The following NAV2 variants were observed in gnomAD, a reference collection of about 807,000 sequenced individuals.
The protein encoded by NAV2 is helicase, APC down-regulated 1.
A neutral mutation model predicts 223.2 loss-of-function variants in NAV2; 54 were observed. The observed-to-expected ratio is 0.24, with a 90% CI of 0.19 to 0.30. The LOEUF (loss-of-function observed/expected upper bound fraction) is 0.30. Ranked by LOEUF, NAV2 falls within the 10% of genes least tolerant of loss-of-function variation. The pLI is 1.00. For missense variants in NAV2, 2,806 were observed against 3,147.5 expected (o/e 0.89, Z 2.60); for synonymous variants, 1,279 against 1,239.3 (o/e 1.03, Z -0.67).
intron 1 of NAV2, among the ~76,000 whole-genome samples, chr11:19,370,291 C>A (rs540072569): frequency 1.2e-4 from 19 of 152,222 alleles, no homozygotes; most frequent in Middle Eastern, 3.2e-3. Flanking sequence ...ATGGTTAAGT[C>A]TTTCTTGCTG....
At chr11:20,068,685 T>C (rs916282488) in intron 22 of NAV2, among the ~76,000 whole-genome samples, 8 of 152,206 alleles carry the variant, frequency 5.3e-5, no homozygotes, top group Admixed American at 2.0e-4. Flanking sequence ...GCGAAGTGCT[T>C]ATTAAAATCT....
chr11:20,091,637 C>A (rs1426880974), intron 27 of NAV2, among the ~76,000 whole-genome samples: 1 of 152,112 alleles, frequency 6.6e-6, no homozygotes, highest in Non-Finnish European at 1.5e-5. Context: ...GACATAGCAC[C>A]AATGCCTTGC....
chr11:19,495,293 A>G (rs1160716726), intron 1 of NAV2, among the ~76,000 whole-genome samples: 1 of 152,162 alleles, frequency 6.6e-6, no homozygotes, highest in African/African-American at 2.4e-5. Flanking sequence ...GACATCCAGA[A>G]ATGAAGTAGT....
intron 1 of NAV2, among the ~76,000 whole-genome samples, chr11:19,377,791 C>T (rs1183838138): frequency 6.6e-6 from 1 of 152,152 alleles, no homozygotes; most frequent in Non-Finnish European, 1.5e-5. Flanking sequence ...CTTCCCAGGG[C>T]AAAGGTTCTG....
At position 19,533,634 on chromosome 11, in the gene NAV2, G is replaced by A. The variant is rs574724972; in HGVS notation, c.75+182607G>A. Among the ~76,000 whole-genome samples the A allele has an allele frequency of 5.3e-5, 8 of 151,540 alleles. No homozygotes were observed. In the South Asian group the frequency reaches 1.7e-3, roughly 32 times the overall value. Reference sequence around the variant, plus strand: ...CACATACTGAAACCTTCTCTGAGACGTGCACTTTCTCTACCCCCACCCCCT... The same window carrying A: ...CACATACTGAAACCTTCTCTGAGACATGCACTTTCTCTACCCCCACCCCCT... On this transcript the variant is annotated intron_variant, in intron 1 of 37. Coordinates refer to the NAV2 transcript ENST00000360655.
intron 6 of NAV2, among the ~76,000 whole-genome samples, chr11:19,896,274 T>G (rs2041977138): frequency 6.6e-6 from 1 of 152,126 alleles, no homozygotes; most frequent in South Asian, 2.1e-4. Flanking sequence ...CCTGGAACCT[T>G]TTCATCTTGC....
chr11:19,554,131 T>C (rs976885597), intron 1 of NAV2, among the ~76,000 whole-genome samples: 1 of 152,250 alleles, frequency 6.6e-6, no homozygotes, highest in South Asian at 2.1e-4. Context: ...AGGGAACTAA[T>C]GCTGGGTTAG....
intron 1 of NAV2, among the ~76,000 whole-genome samples, chr11:19,410,885 A>C (rs1234115462): frequency 6.6e-6 from 1 of 152,142 alleles, no homozygotes; most frequent in African/African-American, 2.4e-5. Context: ...TTGCCAATGA[A>C]GAGAATCATG....
intron 11 of NAV2, among the ~76,000 whole-genome samples, chr11:20,029,603 A>G (rs1480748976): frequency 6.6e-6 from 1 of 152,192 alleles, no homozygotes; most frequent in Non-Finnish European, 1.5e-5. Flanking sequence ...AAGGCAGGGA[A>G]AACTCTGAAT....
At chr11:19,956,498 A>G (rs2047892740) in intron 10 of NAV2, among the ~76,000 whole-genome samples, 1 of 152,074 alleles carries the variant, frequency 6.6e-6, no homozygotes, top group African/African-American at 2.4e-5. Flanking sequence ...AGGAGTTCCC[A>G]TGACCTCCCT....
intron 5 of NAV2, among the ~76,000 whole-genome samples, chr11:19,885,439 C>T (rs1031989827): frequency 6.6e-6 from 1 of 152,182 alleles, no homozygotes; most frequent in Non-Finnish European, 1.5e-5. Context: ...CTCACACTGC[C>T]CTTGTGGCAT....
intron 34 of NAV2, chr11:20,104,064 T>C: frequency 3.4e-6 from 1 of 295,224 alleles, no homozygotes. Context: ...CAGGTGACCC[T>C]GCTGCCCTGC....
At chr11:20,022,516 A>G (rs1343720590) in intron 11 of NAV2, 1 of 983,808 alleles carries the variant, frequency 1.0e-6, no homozygotes, top group Non-Finnish European at 1.2e-6. Context: ...ACAAACAGGT[A>G]TCATTTCCTT....
chr11:19,952,291 C>T (rs184646167), intron 10 of NAV2, among the ~76,000 whole-genome samples: 1 of 152,324 alleles, frequency 6.6e-6, no homozygotes, highest in East Asian at 1.9e-4. Context: ...CTTAAACCCT[C>T]CCCAACCTCT....
Position 19,667,032 on chromosome 11 carries a change from C to G in NAV2, c.76-165452C>G, listed in dbSNP as rs77565803. Among the ~76,000 whole-genome samples, 841 of 152,244 alleles carry G rather than the reference C, an allele frequency of 5.5e-3. 5 individuals are homozygous for G. Among genetic ancestry groups the G allele is most frequent in the African/African-American group, 0.019 (808 of 41,554 alleles). The stretch of plus-strand genomic sequence containing the variant: ...TCCCCAGCCTCCCTCCCACCATAAT[C>G]CAACTACCCCAACCCCCAGACTAGA... On this transcript the variant is annotated intron_variant, in intron 1 of 37. Transcript: ENST00000360655.
At chr11:19,777,162 TG>T (rs1300222919) in intron 1 of NAV2, among the ~76,000 whole-genome samples, 1 of 147,316 alleles carries the variant, frequency 6.8e-6, no homozygotes, top group Non-Finnish European at 1.5e-5. Flanking sequence ...AGCGGGCGCT[TG>T]GACACAGGGC....
At chr11:19,984,607 C>G (rs926428945) in intron 11 of NAV2, among the ~76,000 whole-genome samples, 3 of 152,160 alleles carry the variant, frequency 2.0e-5, no homozygotes, top group African/African-American at 4.8e-5. Context: ...GGTATTGCAC[C>G]TTGTGGCACA....
intron 10 of NAV2, among the ~76,000 whole-genome samples, chr11:19,983,581 T>C (rs1320339412): frequency 1.3e-5 from 2 of 152,216 alleles, no homozygotes; most frequent in Non-Finnish European, 2.9e-5. Context: ...CAGGCCGTGA[T>C]AGTCCTATAG....
At chr11:19,567,625 C>G (rs141106075) in intron 1 of NAV2, among the ~76,000 whole-genome samples, 223 of 152,252 alleles carry the variant, frequency 1.5e-3, no homozygotes, top group African/African-American at 5.0e-3. Flanking sequence ...GCCAGGCCCC[C>G]CTTTGTCCCC....
Sources: gnomAD v4.1 joint callset for allele counts (sites outside exome capture counted in the v4.1 genomes callset) on GRCh38, gnomAD v4.1.1 for gene constraint, MANE v1.5 for transcripts, NCBI Gene and HGNC (gene_info 2026-07-23, HGNC 2026-07-21) for gene names.